HTR2C: variants seen among roughly 807,000 people sequenced by gnomAD.
HTR2C encodes the protein 5-hydroxytryptamine receptor 2C.
HTR2C carries 5 observed loss-of-function variants against 21.0 expected under a neutral mutation model. That is an observed-to-expected ratio of 0.24 (90% CI 0.12 to 0.50). The LOEUF is 0.50. HTR2C is among the 20% of genes least tolerant of loss of function. HTR2C has a pLI of 0.98. For synonymous variants in HTR2C, 150 were observed against 145.3 expected (o/e 1.03, Z -0.23); for missense variants, 271 against 371.2 (o/e 0.73, Z 2.22).
At chrX:114,764,400 CA>C (rs375720855) in intron 4 of HTR2C, among the ~76,000 whole-genome samples, 4,401 of 38,951 alleles carry the variant, frequency 0.11, 280 homozygotes, top group African/African-American at 0.29. Flanking sequence ...AACTCCATCT[CA>C]AAAAAAAAAA....
At chrX:114,864,757 G>T (rs1451628223) in intron 5 of HTR2C, among the ~76,000 whole-genome samples, 2 of 111,325 alleles carry the variant, frequency 1.8e-5, no homozygotes, top group Non-Finnish European at 3.8e-5. Flanking sequence ...AGGTTTCATG[G>T]TAATAAATTC....
At chrX:114,906,266 T>C (rs2071371429) in intron 5 of HTR2C, among the ~76,000 whole-genome samples, 2 of 112,043 alleles carry the variant, frequency 1.8e-5, no homozygotes, top group African/African-American at 6.5e-5. Context: ...GCCAGGACGA[T>C]TCTTGGAACT....
chrX:114,671,315 G>A (rs183079092), intron 2 of HTR2C, among the ~76,000 whole-genome samples: 104 of 111,897 alleles, frequency 9.3e-4, no homozygotes, highest in Non-Finnish European at 1.8e-3. Flanking sequence ...AATTAAAATG[G>A]CAAAAGCAAT....
chrX:114,743,289 C>A (rs912093551), intron 4 of HTR2C, among the ~76,000 whole-genome samples: 14 of 108,925 alleles, frequency 1.3e-4, no homozygotes, highest in Non-Finnish European at 2.5e-4. Context: ...GTTCTAGATC[C>A]CTGAGGAATC....
intron 2 of HTR2C, among the ~76,000 whole-genome samples, chrX:114,666,706 T>C (rs12860460): frequency 0.15 from 16,695 of 110,416 alleles, 934 homozygotes; most frequent in South Asian, 0.31. Context: ...AATTCATACA[T>C]ATGACTTTTT....
chrX:114,807,546 A>C (rs1345576818), intron 4 of HTR2C, among the ~76,000 whole-genome samples: 1 of 106,740 alleles, frequency 9.4e-6, no homozygotes, highest in Admixed American at 1.0e-4. Context: ...ATGGTACATA[A>C]GATATTTTGA....
chrX:114,758,816 C>T (rs964674951), intron 4 of HTR2C, among the ~76,000 whole-genome samples: 1 of 111,456 alleles, frequency 9.0e-6, no homozygotes, highest in Non-Finnish European at 1.9e-5. Flanking sequence ...AGTTATTCCC[C>T]CATGTTAAAA....
chrX:114,774,163 G>T (rs1556438014), intron 4 of HTR2C, among the ~76,000 whole-genome samples: 1 of 111,706 alleles, frequency 9.0e-6, no homozygotes, highest in Non-Finnish European at 1.9e-5. Context: ...GTATGCATAT[G>T]TGTGTTTGTG....
chrX:114,853,731 T>C lies in HTR2C; in HGVS notation c.550+5528T>C, dbSNP rs782007395. ...AATGCCAATTTCACACTTTTAATTA[T>C]AAATGCTATTACATAAATGTTATTA... On this transcript the variant is annotated intron_variant, in intron 5 of 5. Transcript: ENST00000276198. Among the ~76,000 whole-genome samples, 11 of 111,943 alleles carry C rather than the reference T, an allele frequency of 9.8e-5. No homozygotes were observed. In the East Asian group the frequency reaches 2.5e-3, roughly 26 times the overall value.
At position 114,908,376 on chromosome X, in the gene HTR2C, C is replaced by CT. The variant is rs1224874254; in HGVS notation, c.*962dup. On this transcript the variant is annotated 3_prime_UTR_variant, in exon 6 of 6. Transcript: ENST00000276198. The stretch of plus-strand genomic sequence containing the variant: ...AAATATTTTCTTAATTATGGTACCT[C>CT]TGTCTATAGGACTTAATTTAGCAGT... 9.0e-6 allele frequency: 1 copy of CT among 111,616 alleles called. No homozygotes were observed. The highest frequency in any genetic ancestry group is 1.9e-5 in the Non-Finnish European group (1 of 53,084). The allele number at this position is 111,616 out of a possible 1,213,427, so 9.2% of individuals were successfully genotyped here.
At chrX:114,646,760 A>G (rs1421855187) in intron 2 of HTR2C, among the ~76,000 whole-genome samples, 2 of 111,838 alleles carry the variant, frequency 1.8e-5, no homozygotes, top group African/African-American at 3.3e-5. Flanking sequence ...GACTTTTCCC[A>G]TATGTTTTCT....
chrX:114,754,482 A>G (rs2069791609), intron 4 of HTR2C, among the ~76,000 whole-genome samples: 1 of 111,967 alleles, frequency 8.9e-6, no homozygotes, highest in African/African-American at 3.2e-5. Context: ...CAAAGAATTC[A>G]GAAATATACC....
At chrX:114,895,921 G>A (rs1318411986) in intron 5 of HTR2C, among the ~76,000 whole-genome samples, 1 of 109,258 alleles carries the variant, frequency 9.2e-6, no homozygotes, top group Non-Finnish European at 1.9e-5. Flanking sequence ...CCTGGGAGGT[G>A]GAGGTTGCAG....
chrX:114,894,880 G>A (rs889358679), intron 5 of HTR2C, among the ~76,000 whole-genome samples: 3 of 109,886 alleles, frequency 2.7e-5, no homozygotes, highest in South Asian at 4.0e-4. Flanking sequence ...CACCATGCTC[G>A]GCTAATTTTT....
At chrX:114,667,906 G>A (rs781992533) in intron 2 of HTR2C, among the ~76,000 whole-genome samples, 29 of 111,682 alleles carry the variant, frequency 2.6e-4, no homozygotes, top group African/African-American at 8.8e-4. Flanking sequence ...CTCATTTAAT[G>A]CTTGCATTAA....
intron 2 of HTR2C, among the ~76,000 whole-genome samples, chrX:114,722,268 C>T (rs1327452109): frequency 2.4e-4 from 27 of 110,797 alleles, no homozygotes; most frequent in African/African-American, 8.5e-4. Context: ...GTATTTTATT[C>T]TCTTTGAAGC....
Position 114,908,451 on chromosome X carries a change from G to A in HTR2C, c.*1036G>A, listed in dbSNP as rs781786431. The A allele has an allele frequency of 9.0e-6, 1 of 111,395 alleles. No individual in the cohort carries two copies. Among genetic ancestry groups the A allele is most frequent in the Admixed American group, 9.6e-5 (1 of 10,438 alleles). The allele number at this position is 111,395 out of a possible 1,213,427, so 9.2% of individuals were successfully genotyped here. ...GGAAGTATAGATGGTAGAAACTTTG[G>A]AAGTTTTACTTGATTAAGGACTACA... On this transcript the variant is annotated 3_prime_UTR_variant, in exon 6 of 6. Coordinates refer to ENST00000276198, the MANE Select transcript of HTR2C (RefSeq NM_000868.4).
chrX:114,616,855 C>T (rs1286613360), intron 2 of HTR2C, among the ~76,000 whole-genome samples: 1 of 111,814 alleles, frequency 8.9e-6, no homozygotes, highest in African/African-American at 3.2e-5. Context: ...TTATTTTTTT[C>T]TGTAAAACCG....
intron 2 of HTR2C, chrX:114,715,384 G>T (rs1295244767): frequency 2.8e-6 from 1 of 358,001 alleles, no homozygotes; most frequent in Admixed American, 2.8e-5. Flanking sequence ...GTTATAAAGT[G>T]AAAAGTTTGT....
Sources: allele counts gnomAD v4.1 joint callset (sites outside exome capture counted in the v4.1 genomes callset), GRCh38; gene constraint gnomAD v4.1.1; transcripts MANE v1.5; gene names NCBI Gene and HGNC (gene_info 2026-07-23, HGNC 2026-07-21).